ZNF503: variants seen among roughly 807,000 people sequenced by gnomAD.
ZNF503 encodes zinc finger protein 503.
Under a neutral mutation model 34.4 loss-of-function variants are expected in ZNF503, and 15 were observed. That is an observed-to-expected ratio of 0.44 (90% CI 0.29 to 0.67). The LOEUF is 0.67. Among genes scored for constraint, ZNF503 ranks in the 30% least tolerant of loss-of-function variants. The probability of loss-of-function intolerance (pLI) is 0.13; values close to 1 mark genes in which losing one functional copy is unlikely to be tolerated. For synonymous variants in ZNF503, 580 were observed against 456.8 expected, an observed-to-expected ratio of 1.27 and a Z score of -3.44; for missense variants, 1,007 against 926.8, an observed-to-expected ratio of 1.09 and a Z score of -1.12.
Position 75,399,910 on chromosome 10 carries a change from C to G in ZNF503, c.780G>C (p.Val260=). The part of the protein sequence containing the change: ...EGKDDKKDTD[V]GGGGKGTGGA... ...CCCCGGTGCCCTTGCCACCGCCGCC[C>G]ACGTCGGTGTCTTTCTTGTCGTCCT... Residue 260 remains valine, a synonymous_variant, in exon 2 of 2, where the codon GTG becomes GTC. Coordinates refer to ENST00000372524, the MANE Select transcript of ZNF503 (RefSeq NM_032772.6). The G allele has an allele frequency of 3.7e-6, 6 of 1,605,070 alleles. No homozygotes were observed. Among genetic ancestry groups the G allele is most frequent in the Non-Finnish European group, 5.1e-6 (6 of 1,178,052 alleles).
the ZNF503 span, among the ~76,000 whole-genome samples, chr10:75,376,610 C>T: frequency 0.022 from 3,292 of 152,122 alleles, 59 homozygotes; most frequent in Non-Finnish European, 0.031. Flanking sequence ...TGCTACTGTA[C>T]TCCAGCCTGG....
At chr10:75,397,515 A>G (rs1220578713), downstream of ZNF503, among the ~76,000 whole-genome samples, 2 of 152,214 alleles carry the variant, frequency 1.3e-5, no homozygotes, top group Non-Finnish European at 2.9e-5. Flanking sequence ...ATTTAACAAA[A>G]ACCCTGTCCC....
chr10:75,345,891 G>A, the ZNF503 span, among the ~76,000 whole-genome samples: 1 of 152,132 alleles, frequency 6.6e-6, no homozygotes, highest in African/African-American at 2.4e-5. Context: ...TGGAGCGCAC[G>A]GTAGGGCTCC....
At chr10:75,395,021 C>A (rs1261411298), downstream of ZNF503, among the ~76,000 whole-genome samples, 2 of 152,236 alleles carry the variant, frequency 1.3e-5, no homozygotes, top group African/African-American at 4.8e-5. This position sits in a 1 kb window ranked among gnomAD's most constrained non-coding sequence, Gnocchi z 4.4. Context: ...TGCCACTGGC[C>A]TCCAGGACTT....
At chr10:75,400,924 C>T (rs10824306) in intron 1 of ZNF503, 181 bp downstream of exon 1, 162,083 of 885,320 alleles carry the variant, frequency 0.18, 18,518 homozygotes, top group East Asian at 0.54. Context: ...ATGCACGCCC[C>T]ATTCCACTTC....
In ZNF503 at chr10:75,398,578, G is replaced by T. The variant is rs761927184; in HGVS notation, c.*171C>A. 7.5e-5 allele frequency: 37 copies of T among 490,578 alleles called. 1 individual carries two copies. The highest frequency in any genetic ancestry group is 9.3e-5 in the Non-Finnish European group (29 of 310,788). 30.4% of individuals were successfully genotyped at this position (490,578 alleles called of 1,614,324 possible). ...TGGGGAGAAGGGGAGTGTCCCACCG[G>T]GTCTCGGTCGCTGCTGTCGGGTAGA... On this transcript the variant is annotated 3_prime_UTR_variant, in exon 2 of 2. Coordinates refer to ENST00000372524, the MANE Select transcript of ZNF503 (RefSeq NM_032772.6).
chr10:75,331,030 A>G, the ZNF503 span, among the ~76,000 whole-genome samples: 3 of 151,930 alleles, frequency 2.0e-5, no homozygotes, highest in Non-Finnish European at 4.4e-5. Context: ...ATAGGTTTTG[A>G]TATGTTGTGT....
At chr10:75,378,694 G>A in the ZNF503 span, among the ~76,000 whole-genome samples, 6 of 152,216 alleles carry the variant, frequency 3.9e-5, no homozygotes, top group East Asian at 1.9e-4. Context: ...GGTCAGCCTC[G>A]TGATAAATAA....
chr10:75,364,718 T>A, the ZNF503 span, among the ~76,000 whole-genome samples: 4 of 152,042 alleles, frequency 2.6e-5, no homozygotes, highest in East Asian at 1.9e-4. Context: ...GAAAAAAAAA[T>A]TTGTGGGAAA....
chr10:75,373,479 G>A, the ZNF503 span: 2 of 152,174 alleles, frequency 1.3e-5, no homozygotes, highest in African/African-American at 4.8e-5. Context: ...TCACCTCGCA[G>A]ACTCTGGGAA....
chr10:75,337,808 C>T, the ZNF503 span, among the ~76,000 whole-genome samples: 1 of 152,098 alleles, frequency 6.6e-6, no homozygotes, highest in South Asian at 2.1e-4. Flanking sequence ...GCAAAAGCAC[C>T]CTTCAGGATC....
At chr10:75,322,249 G>A in the ZNF503 span, among the ~76,000 whole-genome samples, 1 of 150,962 alleles carries the variant, frequency 6.6e-6, no homozygotes, top group South Asian at 2.1e-4. Context: ...TCATCCTCCT[G>A]AGTAGCTGGG....
At chr10:75,322,733 C>A in the ZNF503 span, among the ~76,000 whole-genome samples, 2 of 152,024 alleles carry the variant, frequency 1.3e-5, no homozygotes, top group African/African-American at 4.8e-5. Context: ...CTCATCTACT[C>A]TGGAGGCTGA....
the ZNF503 span, among the ~76,000 whole-genome samples, chr10:75,295,175 C>G: frequency 1.3e-5 from 2 of 151,652 alleles, no homozygotes; most frequent in African/African-American, 4.8e-5. The surrounding 1 kb of genome is among the most constrained non-coding windows in gnomAD (Gnocchi z 4.0). Flanking sequence ...GACTCCGACT[C>G]GGGGGGCAGG....
At chr10:75,346,560 CCT>C in the ZNF503 span, among the ~76,000 whole-genome samples, 1 of 151,474 alleles carries the variant, frequency 6.6e-6, no homozygotes, top group Admixed American at 6.6e-5. Flanking sequence ...CCACCACCCC[CCT>C]CCAAGTAGCT....
In ZNF503 at chr10:75,399,655, C is replaced by T. The variant is rs1370800322; in HGVS notation, c.1035G>A (p.Pro345=). ...GLVAPVSPYK[P]GQTVFPLPPA... is the part of the protein sequence containing the mutation. ...GAGGCAGAGGGAACACTGTCTGGCC[C>T]GGCTTGTAGGGTGACACGGGAGCCA... is the stretch of plus-strand genomic sequence containing the variant. The change falls in exon 2 of 2, where the codon CCG becomes CCA. Residue 345 remains proline (P), a synonymous_variant. Coordinates refer to ENST00000372524, the MANE Select transcript of ZNF503 (RefSeq NM_032772.6). The T allele has an allele frequency of 4.4e-6, 7 of 1,599,414 alleles. No homozygotes were observed. The highest frequency in any genetic ancestry group is 5.9e-6 in the Non-Finnish European group (7 of 1,179,648).
the ZNF503 span, among the ~76,000 whole-genome samples, chr10:75,368,723 T>C: frequency 6.6e-6 from 1 of 152,232 alleles, no homozygotes; most frequent in Non-Finnish European, 1.5e-5. Context: ...ATGGATGACC[T>C]GGCAAAGCCA....
chr10:75,342,511 T>A, the ZNF503 span, among the ~76,000 whole-genome samples: 1 of 152,122 alleles, frequency 6.6e-6, no homozygotes, highest in Non-Finnish European at 1.5e-5. Context: ...GGATTGTTAT[T>A]TCAAATTGTT....
chr10:75,363,175 G>A, the ZNF503 span, among the ~76,000 whole-genome samples: 2 of 152,146 alleles, frequency 1.3e-5, no homozygotes, highest in Non-Finnish European at 2.9e-5. Context: ...GCCCAGAAGA[G>A]GAGGCTCCAG....
Sources: gnomAD v4.1 joint callset for allele counts (sites outside exome capture counted in the v4.1 genomes callset) on GRCh38, gnomAD v4.1.1 for gene constraint, Gnocchi (gnomAD v3.1) non-coding constraint, MANE v1.5 for transcripts, NCBI Gene and HGNC (gene_info 2026-07-23, HGNC 2026-07-21) for gene names.